Variants in NFIB observed in about 807,000 individuals in gnomAD.
The protein encoded by NFIB is nuclear factor 1 B-type.
Under a neutral mutation model 61.5 loss-of-function variants are expected in NFIB, and 11 were observed. The ratio of observed to expected loss-of-function variants is 0.18; its 90% CI spans 0.11 to 0.30. The LOEUF (loss-of-function observed/expected upper bound fraction) is 0.30. Among genes scored for constraint, NFIB ranks in the 10% least tolerant of loss-of-function variants. NFIB has a pLI of 1.00. For missense variants in NFIB, 471 were observed against 608.9 expected (o/e 0.77, Z 2.38); for synonymous variants, 260 against 216.5 (o/e 1.20, Z -1.76).
intron 2 of NFIB, among the ~76,000 whole-genome samples, chr9:14,273,959 A>G (rs2057809886): frequency 6.6e-6 from 1 of 151,964 alleles, no homozygotes; most frequent in Non-Finnish European, 1.5e-5. Flanking sequence ...TCTTTTTTTC[A>G]CCTCTGATGT....
At chr9:14,097,875 C>CTTTTCTTTTTTTT (rs765236774) in intron 10 of NFIB, among the ~76,000 whole-genome samples, 1 of 110,838 alleles carries the variant, frequency 9.0e-6, no homozygotes, top group African/African-American at 3.4e-5. Context: ...TTTCTTTTTT[C>CTTTTCTTTTTTTT]TTTTTTTTTT....
chr9:14,343,295 C>T (rs976642490), intron 1 of NFIB, among the ~76,000 whole-genome samples: 1 of 152,108 alleles, frequency 6.6e-6, no homozygotes, highest in African/African-American at 2.4e-5. Context: ...TGCCAGAGAA[C>T]CCCCTACTTT....
At chr9:14,264,456 A>G (rs1415362819) in intron 2 of NFIB, among the ~76,000 whole-genome samples, 1 of 152,222 alleles carries the variant, frequency 6.6e-6, no homozygotes. Context: ...TAAAAATAGA[A>G]ACCAAAGGAA....
intron 1 of NFIB, among the ~76,000 whole-genome samples, chr9:14,311,609 T>A (rs951322824): frequency 1.2e-4 from 19 of 152,204 alleles, no homozygotes; most frequent in Admixed American, 6.5e-5. Context: ...ATGCTGTATA[T>A]GATCCCAACA....
chr9:14,255,682 T>C (rs999108263), intron 2 of NFIB, among the ~76,000 whole-genome samples: 6 of 152,244 alleles, frequency 3.9e-5, no homozygotes, highest in African/African-American at 1.4e-4. Flanking sequence ...TATTCACTTT[T>C]ATTGATGAAA....
intron 1 of NFIB, among the ~76,000 whole-genome samples, chr9:14,335,521 C>T (rs913639532): frequency 6.6e-6 from 1 of 152,134 alleles, no homozygotes. Flanking sequence ...ACTTTTTGCC[C>T]ATTTAAAAAA....
intron 2 of NFIB, among the ~76,000 whole-genome samples, chr9:14,233,980 A>G (rs1025763964): frequency 6.6e-6 from 1 of 152,212 alleles, no homozygotes; most frequent in Non-Finnish European, 1.5e-5. Flanking sequence ...ACTTATAGAA[A>G]GCACCTATCA....
At chr9:14,183,069 TAA>T (rs1284792817) in intron 2 of NFIB, among the ~76,000 whole-genome samples, 1 of 152,090 alleles carries the variant, frequency 6.6e-6, no homozygotes, top group Non-Finnish European at 1.5e-5. Context: ...GCTCTATGCT[TAA>T]TAACAACTAA....
At chr9:14,360,344 A>G (rs943999310) in intron 1 of NFIB, among the ~76,000 whole-genome samples, 2 of 152,310 alleles carry the variant, frequency 1.3e-5, no homozygotes, top group East Asian at 1.9e-4. Flanking sequence ...TTTTCATTAT[A>G]TAGTTTATAA....
intron 10 of NFIB, among the ~76,000 whole-genome samples, chr9:14,104,672 C>T (rs1222777586): frequency 6.6e-6 from 1 of 151,554 alleles, no homozygotes; most frequent in Non-Finnish European, 1.5e-5. Context: ...CCTCAACCTC[C>T]AGAAATCAAG....
the NFIB span, among the ~76,000 whole-genome samples, chr9:14,520,773 G>A: frequency 6.6e-6 from 1 of 152,136 alleles, no homozygotes; most frequent in South Asian, 2.1e-4. Flanking sequence ...ATAGAATAAA[G>A]TAGAAAACTA....
At chr9:14,400,145 G>A (rs1038766268), upstream of NFIB, among the ~76,000 whole-genome samples, 1 of 152,104 alleles carries the variant, frequency 6.6e-6, no homozygotes, top group Non-Finnish European at 1.5e-5. Context: ...ATTCTCAACA[G>A]TAGCTTTATG....
At chr9:14,299,775 T>A (rs2059649950) in intron 2 of NFIB, among the ~76,000 whole-genome samples, 1 of 152,228 alleles carries the variant, frequency 6.6e-6, no homozygotes, top group Admixed American at 6.5e-5. Flanking sequence ...AAACAGAATA[T>A]GTGTATCTAA....
the NFIB span, among the ~76,000 whole-genome samples, chr9:14,466,763 A>G: frequency 1.3e-5 from 2 of 152,162 alleles, no homozygotes; most frequent in Non-Finnish European, 2.9e-5. Flanking sequence ...AACCAGAAAC[A>G]AGTATATGGT....
intron 2 of NFIB, among the ~76,000 whole-genome samples, chr9:14,306,403 G>A (rs2060020782): frequency 3.9e-5 from 6 of 152,078 alleles, no homozygotes; most frequent in Admixed American, 3.3e-4. Context: ...CAAAAGTGAT[G>A]ATAGAAATAT....
chr9:14,257,743 G>T (rs546519925), intron 2 of NFIB, among the ~76,000 whole-genome samples: 1 of 151,978 alleles, frequency 6.6e-6, no homozygotes, highest in Non-Finnish European at 1.5e-5. Context: ...GCGACAGAGC[G>T]AGACTCCATC....
At chr9:14,318,530 TG>T (rs1422141731), upstream of NFIB, among the ~76,000 whole-genome samples, 5 of 146,362 alleles carry the variant, frequency 3.4e-5, no homozygotes, top group African/African-American at 1.0e-4. Context: ...TTTTTTTTTT[TG>T]GCTCTTGCAT....
intron 7 of NFIB, among the ~76,000 whole-genome samples, chr9:14,125,128 A>C (rs57027249): frequency 0.1 from 15,485 of 152,054 alleles, 2,548 homozygotes; most frequent in African/African-American, 0.35. Context: ...CACATATTAT[A>C]AATATTATTT....
chr9:14,505,881 A>C, the NFIB span, among the ~76,000 whole-genome samples: 3 of 152,042 alleles, frequency 2.0e-5, no homozygotes, highest in African/African-American at 7.3e-5. Flanking sequence ...ATGACTGAAA[A>C]CCATTTGTGA....
Sources: allele counts gnomAD v4.1 joint callset (sites outside exome capture counted in the v4.1 genomes callset), GRCh38; gene constraint gnomAD v4.1.1; transcripts MANE v1.5; gene names NCBI Gene and HGNC (gene_info 2026-07-23, HGNC 2026-07-21).